The following ZCCHC8 variants were observed in gnomAD, a reference collection of about 807,000 sequenced individuals.
The protein encoded by ZCCHC8 is zinc finger CCHC domain-containing protein 8.
Under a neutral mutation model 70.6 loss-of-function variants are expected in ZCCHC8, and 27 were observed. The observed-to-expected ratio is 0.38, with a 90% CI of 0.28 to 0.53. The LOEUF (loss-of-function observed/expected upper bound fraction) is 0.53. Among genes scored for constraint, ZCCHC8 ranks in the 20% least tolerant of loss-of-function variants. ZCCHC8 has a pLI of 0.81. For synonymous variants in ZCCHC8, 293 were observed against 317.4 expected, an observed-to-expected ratio of 0.92 and a Z score of 0.82; for missense variants, 737 against 876.9, an observed-to-expected ratio of 0.84 and a Z score of 2.01.
At chr12:122,477,160 CTTT>C (rs569339886) in intron 13 of ZCCHC8, among the ~76,000 whole-genome samples, 2 of 143,304 alleles carry the variant, frequency 1.4e-5, no homozygotes. Flanking sequence ...AATTCATGAT[CTTT>C]TTTTTTTTTG....
intron 3 of ZCCHC8, among the ~76,000 whole-genome samples, chr12:122,491,844 A>AT (rs1196250018): frequency 6.6e-6 from 1 of 151,170 alleles, no homozygotes; most frequent in Non-Finnish European, 1.5e-5. Context: ...AAAAAAAAAA[A>AT]AGATTTCTGC....
At position 122,500,477 on chromosome 12, in the gene ZCCHC8, C is replaced by T; in HGVS notation, c.199+165G>A. 1.0e-6 allele frequency: 1 copy of T among 969,576 alleles called. No individual in the cohort carries two copies. The highest frequency in any genetic ancestry group is 1.7e-5 in the African/African-American group (1 of 60,412). The allele number at this position is 969,576 out of a possible 1,614,324, so 60.1% of individuals were successfully genotyped here. ...CGAGGCAGCCTGCGCGCCCCGAACC[C>T]TAGACTCTCGGTCCGCCGGCGGGTG... On this transcript the variant is annotated intron_variant, in intron 1 of 13. Transcript: ENST00000633063. This position sits in a 1 kb window ranked among gnomAD's most constrained non-coding sequence, Gnocchi z 4.8.
rs1215363405 is a variant in ZCCHC8, at chr12:122,500,563, C to CGGCGCTGCCCCGGCCCCACGCCT, written c.199+56_199+78dup. ...TTCCGCCCGCGCCCTCGCCCTCGCC[C>CGGCGCTGCCCCGGCCCCACGCCT]GGCGCTGCCCCGGCCCCACGCCTGG... is the stretch of plus-strand genomic sequence containing the variant. On this transcript the variant is annotated intron_variant, in intron 1 of 13. Coordinates refer to ENST00000633063, the MANE Select transcript of ZCCHC8 (RefSeq NM_017612.5). This position sits in a 1 kb window ranked among gnomAD's most constrained non-coding sequence, Gnocchi z 4.8. 44 of 1,445,302 alleles carry CGGCGCTGCCCCGGCCCCACGCCT rather than the reference C, an allele frequency of 3.0e-5. No individual in the cohort carries two copies. Among genetic ancestry groups the CGGCGCTGCCCCGGCCCCACGCCT allele is most frequent in the East Asian group, 2.7e-4 (11 of 40,016 alleles). The allele number at this position is 1,445,302 out of a possible 1,614,324, so 89.5% of individuals were successfully genotyped here.
At chr12:122,499,154 T>G (rs950132585) in intron 1 of ZCCHC8, 8 of 462,778 alleles carry the variant, frequency 1.7e-5, no homozygotes, top group African/African-American at 9.8e-5. Flanking sequence ...GCATCAGTGT[T>G]CCTGTCAAAC....
intron 10 of ZCCHC8, 76 bp downstream of exon 10, chr12:122,481,435 CCATTCCTATCA>C: frequency 6.8e-7 from 1 of 1,462,546 alleles, no homozygotes; most frequent in Non-Finnish European, 9.2e-7. Context: ...AAGAAGCCGG[CCATTCCTATCA>C]CATTTTGTTG....
chr12:122,481,753 T>G, intron 9 of ZCCHC8, 89 bp from the exon 10 acceptor site: 1 of 1,444,218 alleles, frequency 6.9e-7, no homozygotes, highest in Non-Finnish European at 9.3e-7. Context: ...CATTTCTTGC[T>G]TATATTACAT....
chr12:122,474,289 G>A lies in ZCCHC8; in HGVS notation c.1346-14C>T. ...GTACCTCCATATCTGAAGTAAGAAA[G>A]TTAAGAGATACTTTAGAACTTATAA... On this transcript the variant is annotated splice_polypyrimidine_tract_variant and intron_variant, in intron 13 of 13. Transcript: ENST00000633063. 1 of 1,378,076 alleles carries A rather than the reference G, an allele frequency of 7.3e-7. No individual in the cohort carries two copies. Among genetic ancestry groups the A allele is most frequent in the Non-Finnish European group, 9.4e-7 (1 of 1,059,544 alleles). The allele number at this position is 1,378,076 out of a possible 1,614,324, so 85.4% of individuals were successfully genotyped here.
chr12:122,478,074 T>C (rs1345804794), intron 12 of ZCCHC8, 116 bp from the exon 13 acceptor site: 2 of 1,208,026 alleles, frequency 1.7e-6, no homozygotes, highest in Admixed American at 2.0e-5. Flanking sequence ...AGGTAATTGG[T>C]GAATTTTGCC....
At chr12:122,488,870 CAAAA>C (rs532083781) in intron 5 of ZCCHC8, among the ~76,000 whole-genome samples, 1 of 92,886 alleles carries the variant, frequency 1.1e-5, no homozygotes, top group Non-Finnish European at 2.3e-5. Context: ...GACTCCGTTT[CAAAA>C]AAAAAAAAAA....
intron 13 of ZCCHC8, among the ~76,000 whole-genome samples, chr12:122,476,861 A>G (rs1957428654): frequency 6.6e-6 from 1 of 151,820 alleles, no homozygotes; most frequent in Non-Finnish European, 1.5e-5. Flanking sequence ...CATCTCTACT[A>G]AAAATACAAA....
At position 122,473,480 on chromosome 12, in the gene ZCCHC8, A is replaced by G; in HGVS notation, c.*17T>C. 6.2e-7 allele frequency: 1 copy of G among 1,606,020 alleles called. No homozygotes were observed. The highest frequency in any genetic ancestry group is 1.1e-5 in the South Asian group (1 of 89,918). On this transcript the variant is annotated 3_prime_UTR_variant, in exon 14 of 14. Coordinates refer to ENST00000633063, the MANE Select transcript of ZCCHC8 (RefSeq NM_017612.5). ...GGAACAAAGTTATTAAATAGCTCTCAGTGCTAAGTCAAGCCATTATTCAGA... is the reference window on the plus strand; with the variant it reads ...GGAACAAAGTTATTAAATAGCTCTCGGTGCTAAGTCAAGCCATTATTCAGA...
At chr12:122,490,104 CAATT>C (rs926189445) in intron 4 of ZCCHC8, among the ~76,000 whole-genome samples, 6 of 151,860 alleles carry the variant, frequency 4.0e-5, no homozygotes, top group Admixed American at 2.6e-4. Context: ...TTTGGGCACA[CAATT>C]AATTTTCTAA....
chr12:122,473,966 T>C lies in ZCCHC8; in HGVS notation c.1655A>G (p.Asn552Ser). 1.2e-6 allele frequency: 2 copies of C among 1,605,852 alleles called. No homozygotes were observed. Among genetic ancestry groups the C allele is most frequent in the Non-Finnish European group, 1.7e-6 (2 of 1,176,876 alleles). ...TGGACAAGGTGATGAGGCAACGGAATTGCCAGTTAAAGGTGTGTCCACAGG... is the reference window on the plus strand; with the variant it reads ...TGGACAAGGTGATGAGGCAACGGAACTGCCAGTTAAAGGTGTGTCCACAGG... ...DVPVDTPLTG[N>S]SVASSPCPNE... The change falls in exon 14 of 14, where the codon AAT becomes AGT. Residue 552 changes from asparagine (N) to serine (S), a missense_variant. By Grantham distance (46) the Asn-to-Ser change is conservative. Transcript: ENST00000633063.
chr12:122,498,082 C>T (rs1428809588), intron 2 of ZCCHC8, among the ~76,000 whole-genome samples: 1 of 151,746 alleles, frequency 6.6e-6, no homozygotes, highest in Non-Finnish European at 1.5e-5. Flanking sequence ...TTCTAAAATG[C>T]TGATTCTTTC....
At position 122,500,219 on chromosome 12, in the gene ZCCHC8, C is replaced by G. The variant is rs74617366; in HGVS notation, c.199+423G>C. The stretch of plus-strand genomic sequence containing the variant: ...TTTGCCCCGGTATAAAAACCGATCC[C>G]GCGTCTAAGCAGCCGGTATTTCATC... On this transcript the variant is annotated intron_variant, in intron 1 of 13. Coordinates refer to ENST00000633063, the MANE Select transcript of ZCCHC8 (RefSeq NM_017612.5). The surrounding 1 kb of genome is among the most constrained non-coding windows in gnomAD (Gnocchi z 4.8). 4,382 of 171,336 alleles carry G rather than the reference C, an allele frequency of 0.026. 227 individuals carry two copies. Among genetic ancestry groups the G allele is most frequent in the African/African-American group, 0.1 (4,168 of 41,772 alleles). The allele number at this position is 171,336 out of a possible 1,614,324, so 10.6% of individuals were successfully genotyped here.
chr12:122,500,604 A>ACGCCTGGCGCTGCCCCGGCCC lies in ZCCHC8; in HGVS notation c.199+37_199+38insGGGCCGGGGCAGCGCCAGGCG. On this transcript the variant is annotated intron_variant, in intron 1 of 13. Transcript: ENST00000633063. This position sits in a 1 kb window ranked among gnomAD's most constrained non-coding sequence, Gnocchi z 4.8. Reference sequence around the variant, plus strand: ...CCACGCCTGGCGCTGCCCCGGCCCCACACCCGGGTGACAGGGCCCAGCGAG... The same window carrying ACGCCTGGCGCTGCCCCGGCCC: ...CCACGCCTGGCGCTGCCCCGGCCCCACGCCTGGCGCTGCCCCGGCCCCACCCGGGTGACAGGGCCCAGCGAG... 2 of 1,526,906 alleles carry ACGCCTGGCGCTGCCCCGGCCC rather than the reference A, an allele frequency of 1.3e-6. No individual in the cohort carries two copies. The highest frequency in any genetic ancestry group is 1.8e-6 in the Non-Finnish European group (2 of 1,137,074). The allele number at this position is 1,526,906 out of a possible 1,614,324, so 94.6% of individuals were successfully genotyped here.
chr12:122,490,231 T>G (rs1957721540), intron 4 of ZCCHC8, among the ~76,000 whole-genome samples: 1 of 152,166 alleles, frequency 6.6e-6, no homozygotes, highest in Non-Finnish European at 1.5e-5. Flanking sequence ...AAAATTAATT[T>G]TCTACCCAAA....
chr12:122,500,490 C>A lies in ZCCHC8; in HGVS notation c.199+152G>T. ...GCGCCCCGAACCCTAGACTCTCGGT[C>A]CGCCGGCGGGTGACAGAAAGCACTT... On this transcript the variant is annotated intron_variant, in intron 1 of 13. Transcript: ENST00000633063. The surrounding 1 kb of genome is among the most constrained non-coding windows in gnomAD (Gnocchi z 4.8). The A allele has an allele frequency of 9.5e-7, 1 of 1,052,716 alleles. No homozygotes were observed. Among genetic ancestry groups the A allele is most frequent in the South Asian group, 1.7e-5 (1 of 59,826 alleles). The allele number at this position is 1,052,716 out of a possible 1,614,324, so 65.2% of individuals were successfully genotyped here.
In ZCCHC8 at chr12:122,483,122, A is replaced by G. The variant is rs1957568238; in HGVS notation, c.671+157T>C. The G allele has an allele frequency of 2.9e-6, 2 of 694,194 alleles. No homozygotes were observed. The highest frequency in any genetic ancestry group is 4.7e-6 in the Non-Finnish European group (2 of 424,168). 43.0% of individuals were successfully genotyped at this position (694,194 alleles called of 1,614,324 possible). A position where few individuals can be genotyped will look rare whatever the true frequency, so the allele number is the denominator to read the frequency against. On this transcript the variant is annotated intron_variant, in intron 7 of 13. Coordinates refer to ENST00000633063, the MANE Select transcript of ZCCHC8 (RefSeq NM_017612.5). The surrounding 1 kb of genome is among the most constrained non-coding windows in gnomAD (Gnocchi z 4.4). ...ATTCCAGGAAGCAGATGATTCATTT[A>G]AACATTTAACATATATGTATGGATT...
Sources: allele counts gnomAD v4.1 joint callset (sites outside exome capture counted in the v4.1 genomes callset), GRCh38; gene constraint gnomAD v4.1.1; non-coding constraint Gnocchi (gnomAD v3.1); transcripts MANE v1.5; gene names NCBI Gene and HGNC (gene_info 2026-07-23, HGNC 2026-07-21).